The following DIS3L variants were observed in gnomAD, a reference collection of about 807,000 sequenced individuals.
The protein encoded by DIS3L is DIS3-like exonuclease 1.
A neutral mutation model predicts 120.3 loss-of-function variants in DIS3L; 100 were observed. The ratio of observed to expected loss-of-function variants is 0.83; its 90% confidence interval spans 0.71 to 0.98. The LOEUF (loss-of-function observed/expected upper bound fraction) is 0.98, where lower values mean the gene tolerates loss of function less well. DIS3L is among the 50% of genes least tolerant of loss of function. The pLI is 0.00. For synonymous variants in DIS3L, 426 were observed against 470.6 expected (o/e 0.91, Z 1.23); for missense variants, 1,196 against 1,314.2 (o/e 0.91, Z 1.39).
chr15:66,325,406 G>A (rs1465840825), intron 11 of DIS3L, among the ~76,000 whole-genome samples: 1 of 152,086 alleles, frequency 6.6e-6, no homozygotes, highest in Non-Finnish European at 1.5e-5. Context: ...GAAAAAAATG[G>A]AGGACATAAA....
At chr15:66,313,821 A>G (rs2092788611) in intron 5 of DIS3L, among the ~76,000 whole-genome samples, 1 of 150,274 alleles carries the variant, frequency 6.7e-6, no homozygotes, top group African/African-American at 2.5e-5. Context: ...GTACATCTCG[A>G]AAAAAAGAAA....
chr15:66,325,255 A>G (rs373712963), intron 11 of DIS3L, among the ~76,000 whole-genome samples: 1 of 152,162 alleles, frequency 6.6e-6, no homozygotes, highest in Non-Finnish European at 1.5e-5. Context: ...TTAGCCAGGC[A>G]TGGTGGTGCA....
At chr15:66,300,342 G>A (rs1455940639) in intron 2 of DIS3L, among the ~76,000 whole-genome samples, 3 of 152,202 alleles carry the variant, frequency 2.0e-5, no homozygotes, top group African/African-American at 7.2e-5. Flanking sequence ...GTCCAGAACA[G>A]GTATATCAAT....
intron 7 of DIS3L, 114 bp from the exon 8 acceptor site, chr15:66,318,334 GA>G (rs2092842291): frequency 1.0e-4 from 127 of 1,219,116 alleles, no homozygotes; most frequent in South Asian, 2.3e-4. Context: ...GGATGTGCTT[GA>G]AAAAAAATAG....
At chr15:66,302,230 T>C (rs545060396) in intron 2 of DIS3L, among the ~76,000 whole-genome samples, 1 of 152,236 alleles carries the variant, frequency 6.6e-6, no homozygotes, top group East Asian at 1.9e-4. Flanking sequence ...TAGCTGAGCA[T>C]GGTGGCCTGC....
At chr15:66,315,277 C>T in intron 7 of DIS3L, 62 bp downstream of exon 7, 4 of 1,472,276 alleles carry the variant, frequency 2.7e-6, no homozygotes, top group Non-Finnish European at 3.6e-6. Context: ...TTTGTCTCCT[C>T]TTTAGCAATC....
chr15:66,327,355 G>T (rs1175282371), intron 12 of DIS3L, among the ~76,000 whole-genome samples: 1 of 152,150 alleles, frequency 6.6e-6, no homozygotes, highest in Non-Finnish European at 1.5e-5. Flanking sequence ...CAGCATCTTT[G>T]TGACAATATC....
In DIS3L at chr15:66,293,591, G is replaced by C. The variant is rs1002834848; in HGVS notation, c.-6G>C. 1.1e-5 allele frequency: 16 copies of C among 1,428,562 alleles called. No homozygotes were observed. Among genetic ancestry groups the C allele is most frequent in the Non-Finnish European group, 1.5e-5 (16 of 1,091,036 alleles). 88.5% of individuals were successfully genotyped at this position (1,428,562 alleles called of 1,614,324 possible). A position where few individuals can be genotyped will look rare whatever the true frequency, so the allele number is the denominator to read the frequency against. Reference sequence around the variant, plus strand: ...CCACTCCGCGGCCGCCGGGAGACACGCCGCCATGCTGCAGAAGCGGGAGAA... The same window carrying C: ...CCACTCCGCGGCCGCCGGGAGACACCCCGCCATGCTGCAGAAGCGGGAGAA... On this transcript the variant is annotated 5_prime_UTR_variant, in exon 1 of 17. Coordinates refer to ENST00000319212, the MANE Select transcript of DIS3L (RefSeq NM_001143688.3).
intron 15 of DIS3L, 79 bp downstream of exon 15, chr15:66,332,099 T>G: frequency 7.4e-7 from 1 of 1,344,418 alleles, no homozygotes; most frequent in Admixed American, 2.3e-5. Context: ...TAGATATAAT[T>G]TATTAAAATA....
At chr15:66,332,485 AGTGTGTGTGT>A (rs778480622) in intron 15 of DIS3L, among the ~76,000 whole-genome samples, 1,298 of 109,768 alleles carry the variant, frequency 0.012, 52 homozygotes, top group Admixed American at 0.078. Flanking sequence ...TGAAGACTGG[AGTGTGTGTGT>A]GTGTGTGTGT....
intron 2 of DIS3L, 119 bp from the exon 3 acceptor site, chr15:66,306,705 A>G (rs2092705931): frequency 1.5e-6 from 2 of 1,369,140 alleles, no homozygotes; most frequent in Non-Finnish European, 2.0e-6. Flanking sequence ...CATGTTCTTC[A>G]GGTTTAAAGT....
chr15:66,306,853 A>AGGATGCGC lies in DIS3L; in HGVS notation c.325_332dup (p.His112MetfsTer55), dbSNP rs757801798. 1.8e-5 allele frequency: 29 copies of AGGATGCGC among 1,614,078 alleles called. No individual in the cohort carries two copies. The highest frequency in any genetic ancestry group is 3.4e-6 in the Non-Finnish European group (4 of 1,180,026). On this transcript the variant is annotated frameshift_variant, in exon 3 of 17. Coordinates refer to ENST00000319212, the MANE Select transcript of DIS3L (RefSeq NM_001143688.3). LOFTEE classifies it high-confidence loss of function. ...TATAACAAACTGCGAAACCTGCTGA[A>AGGATGCGC]GGATGCGCGTCATGATTGCATTCTC...
At chr15:66,300,649 C>A (rs1034798787) in intron 2 of DIS3L, among the ~76,000 whole-genome samples, 2 of 152,058 alleles carry the variant, frequency 1.3e-5, no homozygotes, top group Admixed American at 1.3e-4. Flanking sequence ...ATCTCTAGAA[C>A]TAGTGATAGA....
At chr15:66,309,556 A>C (rs2092740173) in intron 4 of DIS3L, among the ~76,000 whole-genome samples, 1 of 152,126 alleles carries the variant, frequency 6.6e-6, no homozygotes, top group Admixed American at 6.6e-5. Flanking sequence ...TATTTCATTT[A>C]ATTCTTGCAA....
At chr15:66,320,340 T>C (rs1247477652) in intron 8 of DIS3L, among the ~76,000 whole-genome samples, 1 of 152,090 alleles carries the variant, frequency 6.6e-6, no homozygotes, top group Non-Finnish European at 1.5e-5. Flanking sequence ...TTCATTGATG[T>C]AGAGAGGTAA....
Position 66,309,094 on chromosome 15 carries a change from A to AAAAAAAAAAAAATATATATAT in DIS3L, c.558+251_558+252insAAAAAAAAAAATATATATATA. ...CTTGTCTCTACAGAAAAAAAAAAAA[A>AAAAAAAAAAAAATATATATAT]ATATATATATCTCCAAGCATGGTGG... On this transcript the variant is annotated intron_variant, in intron 4 of 16. Transcript: ENST00000319212. Among the ~76,000 whole-genome samples, 55 of 15,314 alleles carry AAAAAAAAAAAAATATATATAT rather than the reference A, an allele frequency of 3.6e-3. 18 individuals are homozygous for AAAAAAAAAAAAATATATATAT. The highest frequency in any genetic ancestry group is 9.2e-3 in the African/African-American group (47 of 5,122). The allele number at this position is 15,314 out of a possible 152,430, so 10.0% of individuals were successfully genotyped here. A position where few individuals can be genotyped will look rare whatever the true frequency, so the allele number is the denominator to read the frequency against.
At chr15:66,294,897 A>T in intron 1 of DIS3L, 91 bp from the exon 2 acceptor site, 1 of 1,308,214 alleles carries the variant, frequency 7.6e-7, no homozygotes, top group South Asian at 1.5e-5. Flanking sequence ...TTAAGACTGG[A>T]AGTTATTTTG....
intron 1 of DIS3L, chr15:66,294,345 T>A: frequency 1.0e-6 from 1 of 985,544 alleles, no homozygotes; most frequent in African/African-American, 1.7e-5. Flanking sequence ...GGGTGGCCGA[T>A]AGAACGATGC....
intron 9 of DIS3L, among the ~76,000 whole-genome samples, chr15:66,322,292 A>G (rs1404450611): frequency 6.6e-6 from 1 of 152,208 alleles, no homozygotes; most frequent in African/African-American, 2.4e-5. Context: ...GAACATGTTG[A>G]TTATTTTTTT....
Sources: allele counts gnomAD v4.1 joint callset (sites outside exome capture counted in the v4.1 genomes callset), GRCh38; gene constraint gnomAD v4.1.1; transcripts MANE v1.5; gene names NCBI Gene and HGNC (gene_info 2026-07-23, HGNC 2026-07-21).